RUFY3: variants seen among roughly 807,000 people sequenced by gnomAD.
RUFY3 encodes the protein RUN and FYVE domain containing 3, also known as protein RUFY3.
RUFY3 carries 34 observed loss-of-function variants against 84.0 expected under a neutral mutation model. The ratio of observed to expected loss-of-function variants is 0.40; its 90% CI spans 0.31 to 0.54. RUFY3 has a LOEUF of 0.54. Ranked by LOEUF, RUFY3 falls within the 20% of genes least tolerant of loss-of-function variation. The probability of loss-of-function intolerance (pLI) is 0.39; values close to 1 mark genes in which losing one functional copy is unlikely to be tolerated. For missense variants in RUFY3, 507 were observed against 736.8 expected (o/e 0.69, Z 3.61); for synonymous variants, 242 against 252.9 (o/e 0.96, Z 0.41).
At chr4:70,753,119 G>C (rs1414626280) in intron 1 of RUFY3, among the ~76,000 whole-genome samples, 1 of 152,002 alleles carries the variant, frequency 6.6e-6, no homozygotes, top group Non-Finnish European at 1.5e-5. Context: ...TCTTATGTCA[G>C]TTTTGGTAGT....
At chr4:70,803,943 C>G (rs1341134055) in intron 16 of RUFY3, among the ~76,000 whole-genome samples, 1 of 151,104 alleles carries the variant, frequency 6.6e-6, no homozygotes, top group Non-Finnish European at 1.5e-5. Context: ...CCATGTTGGC[C>G]AGGCTGGTCT....
intron 10 of RUFY3, among the ~76,000 whole-genome samples, chr4:70,786,225 G>A (rs1729779832): frequency 6.6e-6 from 1 of 152,168 alleles, no homozygotes. Context: ...AGAGAGTAAG[G>A]TGGGGTTACC....
intron 1 of RUFY3, among the ~76,000 whole-genome samples, chr4:70,723,431 T>C (rs7686495): frequency 0.099 from 15,045 of 152,176 alleles, 1,596 homozygotes; most frequent in African/African-American, 0.27. Context: ...CTATTGGCCA[T>C]TGCTTTTTAT....
chr4:70,762,065 C>G (rs970224269), intron 1 of RUFY3, among the ~76,000 whole-genome samples: 1 of 152,160 alleles, frequency 6.6e-6, no homozygotes, highest in Non-Finnish European at 1.5e-5. Context: ...CGTATTATCC[C>G]AACACTCTGG....
At chr4:70,704,734 C>A (rs1471912752), upstream of RUFY3, 5 of 340,348 alleles carry the variant, frequency 1.5e-5, no homozygotes, top group East Asian at 2.4e-4. Flanking sequence ...CGGGGCGGTC[C>A]CTCCAGCTGG....
chr4:70,769,946 C>T (rs554782470), intron 5 of RUFY3, among the ~76,000 whole-genome samples: 68 of 152,292 alleles, frequency 4.5e-4, no homozygotes, highest in African/African-American at 1.6e-3. Context: ...CCTCATCCTC[C>T]TGAGTAGCTG....
At chr4:70,735,576 C>T (rs529702662) in intron 1 of RUFY3, among the ~76,000 whole-genome samples, 7 of 152,036 alleles carry the variant, frequency 4.6e-5, no homozygotes, top group South Asian at 2.1e-4. Context: ...CGTGGTGGCT[C>T]ACACCTGTAA....
chr4:70,753,471 C>T (rs1421474399), intron 1 of RUFY3, among the ~76,000 whole-genome samples: 1 of 152,186 alleles, frequency 6.6e-6, no homozygotes, highest in Non-Finnish European at 1.5e-5. Flanking sequence ...ATGAAGCCAA[C>T]TGTGAAATCA....
chr4:70,751,241 G>T lies in RUFY3; in HGVS notation c.179-11278G>T, dbSNP rs944677964. ...TCCCACCACCCTCTAGTAGTCTTCA[G>T]TGTCTATTGTTGGCATTTTTATGAT... On this transcript the variant is annotated intron_variant, in intron 1 of 17. Transcript: ENST00000381006. Among the ~76,000 whole-genome samples, 4 of 152,088 alleles carry T rather than the reference G, an allele frequency of 2.6e-5. No homozygotes were observed. The South Asian group carries it at 8.3e-4, about 32-fold the overall frequency.
At chr4:70,721,308 A>G (rs1445994357), upstream of RUFY3, among the ~76,000 whole-genome samples, 1 of 141,922 alleles carries the variant, frequency 7.0e-6, no homozygotes, top group Non-Finnish European at 1.5e-5. Context: ...AAGAAAAAAG[A>G]AAAAAAAAGA....
chr4:70,741,836 T>C (rs1424570047), intron 1 of RUFY3, among the ~76,000 whole-genome samples: 2 of 152,216 alleles, frequency 1.3e-5, no homozygotes, highest in African/African-American at 4.8e-5. Flanking sequence ...CCAAGTAAAA[T>C]AGTGTCAATG....
intron 1 of RUFY3, among the ~76,000 whole-genome samples, chr4:70,749,690 C>G (rs1447561491): frequency 6.8e-6 from 1 of 147,654 alleles, no homozygotes; most frequent in African/African-American, 2.5e-5. Flanking sequence ...GGATCTCACT[C>G]TGTTGCCCAG....
At chr4:70,767,302 G>A (rs1048192042) in intron 4 of RUFY3, among the ~76,000 whole-genome samples, 1 of 126,008 alleles carries the variant, frequency 7.9e-6, no homozygotes, top group African/African-American at 3.1e-5. Flanking sequence ...TAGAGACAGG[G>A]TTTCTACATG....
chr4:70,746,534 A>C (rs555552597), intron 1 of RUFY3, among the ~76,000 whole-genome samples: 26 of 151,822 alleles, frequency 1.7e-4, no homozygotes, highest in Admixed American at 3.3e-4. Flanking sequence ...AGTTATGTAC[A>C]TGGAAGACCA....
At chr4:70,774,041 A>G (rs1727423874) in intron 6 of RUFY3, among the ~76,000 whole-genome samples, 1 of 152,226 alleles carries the variant, frequency 6.6e-6, no homozygotes. Flanking sequence ...TGTGTTAAAC[A>G]CTTTTAAAAT....
At position 70,764,538 on chromosome 4, in the gene RUFY3, A is replaced by G. The variant is rs1202601078; in HGVS notation, c.534A>G (p.Glu178=). Reference sequence around the variant, plus strand: ...CATTAATGCAAAAGAAACTTTCAGAATATATGAAAGCTTTGATCAATAAGA... The same window carrying G: ...CATTAATGCAAAAGAAACTTTCAGAGTATATGAAAGCTTTGATCAATAAGA... The part of the protein sequence containing the change: ...RLALMQKKLS[E]YMKALINKKE... The change falls in exon 4 of 18, where the codon GAA becomes GAG. Residue 178 remains glutamate (E), a synonymous_variant. Transcript: ENST00000381006. 1 of 1,613,156 alleles carries G rather than the reference A, an allele frequency of 6.2e-7. No homozygotes were observed. Among genetic ancestry groups the G allele is most frequent in the Non-Finnish European group, 8.5e-7 (1 of 1,179,346 alleles).
intron 1 of RUFY3, among the ~76,000 whole-genome samples, chr4:70,729,046 G>T (rs1410957211): frequency 6.6e-6 from 1 of 152,088 alleles, no homozygotes; most frequent in Non-Finnish European, 1.5e-5. Context: ...TCAATATGGG[G>T]TATATTTGAG....
At chr4:70,712,568 T>A (rs538767903) in intron 1 of RUFY3, among the ~76,000 whole-genome samples, 1 of 152,294 alleles carries the variant, frequency 6.6e-6, no homozygotes, top group Non-Finnish European at 1.5e-5. Context: ...TTTTTTAAAA[T>A]TTTTCATAGA....
chr4:70,781,055 C>T (rs1191583300), intron 8 of RUFY3, among the ~76,000 whole-genome samples: 4 of 146,236 alleles, frequency 2.7e-5, no homozygotes, highest in Non-Finnish European at 4.5e-5. Context: ...CCAAAACCAG[C>T]GTGGGCAACA....
Sources: gnomAD v4.1 joint callset for allele counts (sites outside exome capture counted in the v4.1 genomes callset) on GRCh38, gnomAD v4.1.1 for gene constraint, MANE v1.5 for transcripts, NCBI Gene and HGNC (gene_info 2026-07-23, HGNC 2026-07-21) for gene names.